Variants in VDR observed in about 807,000 individuals in gnomAD.
The protein encoded by VDR is vitamin D3 receptor.
In VDR, 19 loss-of-function variants were observed where a neutral mutation model predicts 39.7. The observed-to-expected ratio is 0.48, with a 90% CI of 0.33 to 0.70. The LOEUF (loss-of-function observed/expected upper bound fraction) is 0.70, where lower values mean the gene tolerates loss of function less well. Ranked by LOEUF, VDR falls within the 30% of genes least tolerant of loss-of-function variation. VDR has a pLI of 0.02. For synonymous variants in VDR, 242 were observed against 215.8 expected (o/e 1.12, Z -1.07); for missense variants, 442 against 570.5 (o/e 0.77, Z 2.29).
intron 7 of VDR, among the ~76,000 whole-genome samples, chr12:47,847,426 G>T (rs1158319887): frequency 1.3e-5 from 2 of 152,026 alleles, no homozygotes; most frequent in African/African-American, 4.8e-5. Flanking sequence ...AATCTTCACT[G>T]ACTCTCAAAC....
intron 1 of VDR, among the ~76,000 whole-genome samples, chr12:47,886,288 A>G (rs1946251110): frequency 1.3e-5 from 2 of 152,178 alleles, no homozygotes; most frequent in Admixed American, 1.3e-4. Flanking sequence ...TTTTCGTTTC[A>G]TCATCCATTA....
chr12:47,896,890 C>G (rs945918520), intron 1 of VDR: 1 of 152,162 alleles, frequency 6.6e-6, no homozygotes, highest in Non-Finnish European at 1.5e-5. Flanking sequence ...AACTCTGCCC[C>G]GAAGGTGTTT....
chr12:47,854,011 A>G (rs1945436930), intron 7 of VDR, among the ~76,000 whole-genome samples: 1 of 152,226 alleles, frequency 6.6e-6, no homozygotes, highest in South Asian at 2.1e-4. Flanking sequence ...CATAGGAATA[A>G]ATGAATGAAA....
In VDR at chr12:47,844,730, C is replaced by G. The variant is rs371654262; in HGVS notation, c.*16G>C. On this transcript the variant is annotated 3_prime_UTR_variant, in exon 10 of 10. Coordinates refer to ENST00000549336, the MANE Select transcript of VDR (RefSeq NM_000376.3). ...GAGGAGCAGCCCCACCCAGGCACCG[C>G]CACAGGCTGTCCTAGTCAGGAGATC... 1.2e-6 allele frequency: 2 copies of G among 1,613,826 alleles called. No individual in the cohort carries two copies. The highest frequency in any genetic ancestry group is 1.7e-6 in the Non-Finnish European group (2 of 1,179,970).
chr12:47,885,145 C>T lies in VDR; in HGVS notation c.-83-2371G>A, dbSNP rs12721374. Among the ~76,000 whole-genome samples, 882 of 152,246 alleles carry T rather than the reference C, an allele frequency of 5.8e-3. 6 individuals are homozygous for T. Among genetic ancestry groups the T allele is most frequent in the Non-Finnish European group, 8.8e-3 (597 of 68,024 alleles). ...TTGCTGGGACCGTCCCCAGAGCAAC[C>T]CTCTCCTGACCCTGCTTTAGAAATA... On this transcript the variant is annotated intron_variant, in intron 1 of 9. Transcript: ENST00000549336.
At chr12:47,862,725 T>C (rs986701595) in intron 4 of VDR, among the ~76,000 whole-genome samples, 6 of 152,212 alleles carry the variant, frequency 3.9e-5, no homozygotes, top group African/African-American at 1.2e-4. Flanking sequence ...TGGGATGCTA[T>C]GCCTTGGGGA....
In VDR at chr12:47,855,534, A is replaced by G. The variant is rs1041815009; in HGVS notation, c.755+96T>C. On this transcript the variant is annotated intron_variant, in intron 7 of 9. Coordinates refer to ENST00000549336, the MANE Select transcript of VDR (RefSeq NM_000376.3). ...GATGCCGTTTAAAAAAATAAAAAAT[A>G]AAAAAAAGAAGTGGTGGATGAGTGA... 1.1e-5 allele frequency: 15 copies of G among 1,415,444 alleles called. No individual in the cohort carries two copies. The East Asian group carries it at 3.6e-4, about 34-fold the overall frequency. 87.7% of individuals were successfully genotyped at this position (1,415,444 alleles called of 1,614,324 possible). A position where few individuals can be genotyped will look rare whatever the true frequency, so the allele number is the denominator to read the frequency against.
rs756376013 is a variant in VDR, at chr12:47,878,963, C to T, written c.146+5G>A. On this transcript the variant is annotated splice_donor_5th_base_variant and intron_variant, in intron 3 of 9. Transcript: ENST00000549336. ...CACTGGGGAGAGCCTGGGAGGAGGG[C>T]TCACCTGAAGAAGCCTTTGCAGCCT... 3.3e-5 allele frequency: 53 copies of T among 1,614,074 alleles called. No homozygotes were observed. The Middle Eastern group carries it at 4.9e-4, about 15-fold the overall frequency.
chr12:47,876,335 A>G (rs961130312), intron 3 of VDR, among the ~76,000 whole-genome samples: 5 of 152,196 alleles, frequency 3.3e-5, no homozygotes, highest in Non-Finnish European at 5.9e-5. Context: ...AAGTTTCTGA[A>G]CATTACTCTT....
intron 3 of VDR, among the ~76,000 whole-genome samples, chr12:47,871,115 A>G (rs1234211054): frequency 6.6e-6 from 1 of 152,188 alleles, no homozygotes; most frequent in African/African-American, 2.4e-5. Context: ...AATGCGAAGC[A>G]TGTTAAACAC....
chr12:47,858,625 C>T (rs556982016), intron 4 of VDR, among the ~76,000 whole-genome samples: 1 of 152,356 alleles, frequency 6.6e-6, no homozygotes, highest in East Asian at 1.9e-4. Context: ...GCAAAGGTGC[C>T]TGGCACGGCG....
chr12:47,874,591 CA>C (rs1945963111), intron 3 of VDR, among the ~76,000 whole-genome samples: 1 of 152,222 alleles, frequency 6.6e-6, no homozygotes, highest in South Asian at 2.1e-4. Flanking sequence ...CACTTCTCTG[CA>C]CTGTCTTTGT....
intron 1 of VDR, among the ~76,000 whole-genome samples, chr12:47,893,659 T>G (rs1946411936): frequency 1.3e-5 from 2 of 152,034 alleles, no homozygotes; most frequent in South Asian, 4.1e-4. Context: ...AGCCGCAGGA[T>G]CCCCAAACCT....
At chr12:47,850,042 G>A in intron 7 of VDR, among the ~76,000 whole-genome samples, 1 of 152,038 alleles carries the variant, frequency 6.6e-6, no homozygotes, top group East Asian at 1.9e-4. Context: ...GTAGATATGG[G>A]GTTTCACCAT....
At chr12:47,875,409 T>G (rs564996208) in intron 3 of VDR, among the ~76,000 whole-genome samples, 14 of 152,330 alleles carry the variant, frequency 9.2e-5, no homozygotes, top group African/African-American at 3.4e-4. Flanking sequence ...CTGTCATCTC[T>G]GTGTTCCCAA....
rs778063507 is a variant in VDR, at chr12:47,857,147, G to T, written c.565C>A (p.His189Asn). ...SGDSSSSCSD[H>N]CITSSDMMDS... Reference sequence around the variant, plus strand: ...TGCTTACCTGAAGAGGTGATACAGTGATCTGAGCAGGAGGAGGAGGAGTCC... The same window carrying T: ...TGCTTACCTGAAGAGGTGATACAGTTATCTGAGCAGGAGGAGGAGGAGTCC... Residue 189 changes from histidine (H) to asparagine (N), a missense_variant, in exon 6 of 10, where the codon CAC (histidine) becomes AAC (asparagine). Physicochemically the swap from His to Asn is moderately conservative, Grantham distance 68. Around this residue, in one of 5 missense-constraint regions of VDR, gnomAD observed 77 missense variants for 67.4 expected, o/e 1.14. Coordinates refer to ENST00000549336, the MANE Select transcript of VDR (RefSeq NM_000376.3). The T allele has an allele frequency of 3.7e-6, 6 of 1,614,178 alleles. No individual in the cohort carries two copies. The Admixed American group carries it at 1.0e-4, about 27-fold the overall frequency.
chr12:47,897,637 C>T (rs138326029), intron 1 of VDR, among the ~76,000 whole-genome samples: 59 of 152,308 alleles, frequency 3.9e-4, no homozygotes, highest in African/African-American at 1.4e-3. Context: ...CTCTTTTCCC[C>T]AGTAGTCCTA....
rs1367890799 is a variant in VDR, at chr12:47,844,996, C to A, written c.1034G>T (p.Gly345Val). 6.2e-7 allele frequency: 1 copy of A among 1,611,698 alleles called. No individual in the cohort carries two copies. Among genetic ancestry groups the A allele is most frequent in the Admixed American group, 1.7e-5 (1 of 59,996 alleles). ...CTCAATCAGCGCGGCGTCCTGCACCCCAGGACGATCTGTGGGCACGGGGAT... is the reference window on the plus strand; with the variant it reads ...CTCAATCAGCGCGGCGTCCTGCACCACAGGACGATCTGTGGGCACGGGGAT... ...AICIVSPDRPGVQDAALIEAI... is the reference protein window; with the variant it reads ...AICIVSPDRPVVQDAALIEAI... Residue 345 changes from glycine (G) to valine (V), a missense_variant, in exon 10 of 10, where the codon GGG (glycine) becomes GTG (valine). Physicochemically the swap from Gly to Val is moderately radical, Grantham distance 109 (BLOSUM62 -3). Transcript: ENST00000549336.
At chr12:47,904,432 G>T (rs1467168768) in intron 1 of VDR, 3 of 647,236 alleles carry the variant, frequency 4.6e-6, no homozygotes, top group Non-Finnish European at 6.9e-6. Context: ...GGCCAATTAG[G>T]TCTAAACTCA....
Sources: gnomAD v4.1 joint callset for allele counts (sites outside exome capture counted in the v4.1 genomes callset) on GRCh38, gnomAD v4.1.1 for gene constraint, gnomAD v4.1.1 regional missense constraint, MANE v1.5 for transcripts, NCBI Gene and HGNC (gene_info 2026-07-23, HGNC 2026-07-21) for gene names.